Variants in ANK2 observed in about 807,000 individuals in gnomAD.
The protein encoded by ANK2 is ankyrin-2.
ANK2 carries 83 observed loss-of-function variants against 360.5 expected under a neutral mutation model. The observed-to-expected ratio is 0.23, with a 90% CI of 0.19 to 0.28. The LOEUF (loss-of-function observed/expected upper bound fraction) is 0.28. ANK2 is among the 10% of genes least tolerant of loss of function. The pLI is 1.00. For synonymous variants in ANK2, 1,740 were observed against 1,759.5 expected, an observed-to-expected ratio of 0.99 and a Z score of 0.28; for missense variants, 4,201 against 4,795.7, an observed-to-expected ratio of 0.88 and a Z score of 3.66.
chr4:112,831,034 C>T (rs1295768907), intron 1 of ANK2, among the ~76,000 whole-genome samples: 2 of 152,220 alleles, frequency 1.3e-5, no homozygotes, highest in Non-Finnish European at 2.9e-5. Context: ...GGGCCTCAGC[C>T]ATCTCACCAT....
intron 2 of ANK2, among the ~76,000 whole-genome samples, chr4:112,960,013 C>T (rs2033865516): frequency 1.3e-5 from 2 of 152,006 alleles, no homozygotes; most frequent in African/African-American, 4.8e-5. Flanking sequence ...TCCTGATGAG[C>T]CCATCATTGT....
At chr4:112,764,864 C>T in the ANK2 span, among the ~76,000 whole-genome samples, 1 of 151,838 alleles carries the variant, frequency 6.6e-6, no homozygotes, top group Non-Finnish European at 1.5e-5. Context: ...TGTGCCACCA[C>T]CCTGGCTAAT....
chr4:113,324,568 A>G (rs2088617344), intron 26 of ANK2, among the ~76,000 whole-genome samples: 1 of 152,214 alleles, frequency 6.6e-6, no homozygotes, highest in Non-Finnish European at 1.5e-5. Context: ...ATACGTGAAC[A>G]CAGTGGTTGA....
intron 1 of ANK2, among the ~76,000 whole-genome samples, chr4:112,832,094 C>T (rs1053954289): frequency 6.6e-6 from 1 of 152,236 alleles, no homozygotes; most frequent in African/African-American, 2.4e-5. Flanking sequence ...TTATGTCGCG[C>T]AGGCTGGAGC....
At chr4:112,822,205 A>G (rs887698125) in intron 1 of ANK2, among the ~76,000 whole-genome samples, 3 of 150,108 alleles carry the variant, frequency 2.0e-5, no homozygotes, top group African/African-American at 7.3e-5. Flanking sequence ...GATTGAGACC[A>G]TCCTGGCTAA....
intron 1 of ANK2, among the ~76,000 whole-genome samples, chr4:112,883,451 T>C (rs1044145888): frequency 6.6e-6 from 1 of 151,914 alleles, no homozygotes; most frequent in Non-Finnish European, 1.5e-5. Context: ...TAATTAAATA[T>C]TATATGAGCA....
At chr4:113,303,778 G>T (rs2076021286) in intron 23 of ANK2, among the ~76,000 whole-genome samples, 1 of 152,156 alleles carries the variant, frequency 6.6e-6, no homozygotes, top group Non-Finnish European at 1.5e-5. Flanking sequence ...CAATGAACAT[G>T]ATTGAAAAAT....
At chr4:112,973,028 G>T (rs1447801901) in intron 2 of ANK2, among the ~76,000 whole-genome samples, 2 of 152,026 alleles carry the variant, frequency 1.3e-5, no homozygotes, top group Non-Finnish European at 2.9e-5. Context: ...GGGTAAGGCT[G>T]GGAGGGGAGC....
intron 1 of ANK2, among the ~76,000 whole-genome samples, chr4:113,073,772 G>A (rs1198711648): frequency 1.3e-5 from 2 of 152,190 alleles, no homozygotes; most frequent in Admixed American, 6.5e-5. Flanking sequence ...CGGCTGCCAC[G>A]CCACGGAAAC....
chr4:113,331,835 T>G, intron 27 of ANK2, 137 bp from the exon 28 acceptor site: 2 of 827,204 alleles, frequency 2.4e-6, no homozygotes, highest in Non-Finnish European at 4.2e-6. Context: ...TTGTGACCAA[T>G]GGAGGGGGCA....
At position 113,357,774 on chromosome 4, in the gene ANK2, T is replaced by C. The variant is rs1194610700; in HGVS notation, c.9156T>C (p.Asp3052=). ...CTTGGAGTGAAATTCGGGAAGACGA[T>C]GAAGCCTTTGAGGCTCGTGTGAAAG... ...SDSWSEIRED[D]EAFEARVKEE... The change falls in exon 38 of 46, where the codon GAT becomes GAC. Residue 3052 remains aspartate (D), a synonymous_variant. Coordinates refer to ENST00000357077, the MANE Select transcript of ANK2 (RefSeq NM_001148.6). The C allele has an allele frequency of 6.2e-7, 1 of 1,614,066 alleles. No homozygotes were observed. Among genetic ancestry groups the C allele is most frequent in the Non-Finnish European group, 8.5e-7 (1 of 1,179,966 alleles).
At chr4:113,283,621 A>G (rs556156355) in intron 18 of ANK2, among the ~76,000 whole-genome samples, 1 of 152,318 alleles carries the variant, frequency 6.6e-6, no homozygotes, top group South Asian at 2.1e-4. Flanking sequence ...TGATACATCT[A>G]TCCATCCATC....
At chr4:112,873,802 A>T (rs892596164) in intron 1 of ANK2, among the ~76,000 whole-genome samples, 1 of 151,070 alleles carries the variant, frequency 6.6e-6, no homozygotes, top group African/African-American at 2.4e-5. Flanking sequence ...TCAGCCTCCC[A>T]AAGTGCTGGG....
At chr4:113,368,732 A>G (rs1389371217) in intron 42 of ANK2, among the ~76,000 whole-genome samples, 3 of 152,194 alleles carry the variant, frequency 2.0e-5, no homozygotes, top group Non-Finnish European at 4.4e-5. Flanking sequence ...GAAATGAGTA[A>G]TGAAATTATC....
At chr4:113,044,108 T>C (rs1264275180) in intron 2 of ANK2, among the ~76,000 whole-genome samples, 1 of 152,306 alleles carries the variant, frequency 6.6e-6, no homozygotes, top group African/African-American at 2.4e-5. Context: ...TATAACTATG[T>C]ATTCCCTTAA....
Position 113,381,648 on chromosome 4 carries a change from C to T in ANK2, c.*177C>T, listed in dbSNP as rs977907921. 1 of 1,544,496 alleles carries T rather than the reference C, an allele frequency of 6.5e-7. No individual in the cohort carries two copies. The highest frequency in any genetic ancestry group is 8.7e-7 in the Non-Finnish European group (1 of 1,146,680). On this transcript the variant is annotated 3_prime_UTR_variant, in exon 46 of 46. Transcript: ENST00000357077. ...AAGCAAGAGGCCAAGTGAGGGGCTG[C>T]CCAGTTCTCACACCAGAAACCACAC... is the stretch of plus-strand genomic sequence containing the variant.
chr4:113,264,711 A>G (rs572001922), intron 13 of ANK2, among the ~76,000 whole-genome samples, 186 bp from the exon 14 acceptor site: 1 of 116,724 alleles, frequency 8.6e-6, no homozygotes, highest in Admixed American at 9.5e-5. Flanking sequence ...AACAAGAGTG[A>G]AACTTTGTCT....
At chr4:112,791,880 A>G in the ANK2 span, among the ~76,000 whole-genome samples, 1 of 152,124 alleles carries the variant, frequency 6.6e-6, no homozygotes, top group Non-Finnish European at 1.5e-5. Flanking sequence ...CCACATCTTT[A>G]TGAGTAACAG....
At chr4:113,042,121 C>T (rs2063111827) in intron 2 of ANK2, among the ~76,000 whole-genome samples, 1 of 152,144 alleles carries the variant, frequency 6.6e-6, no homozygotes, top group Non-Finnish European at 1.5e-5. Context: ...TGTGGGCTAG[C>T]ACCATCTACT....
Sources: allele counts gnomAD v4.1 joint callset (sites outside exome capture counted in the v4.1 genomes callset), GRCh38; gene constraint gnomAD v4.1.1; transcripts MANE v1.5; gene names NCBI Gene and HGNC (gene_info 2026-07-23, HGNC 2026-07-21).